KCNK2: variants seen among roughly 807,000 people sequenced by gnomAD.
KCNK2 encodes potassium two pore domain channel subfamily K member 2.
KCNK2 carries 21 observed loss-of-function variants against 40.5 expected under a neutral mutation model. That is an observed-to-expected ratio of 0.52 (90% CI 0.37 to 0.75). The LOEUF (loss-of-function observed/expected upper bound fraction) is 0.75. Ranked by LOEUF, KCNK2 falls within the 30% of genes least tolerant of loss-of-function variation. KCNK2 has a pLI of 0.00. For synonymous variants in KCNK2, 191 were observed against 202.2 expected (o/e 0.94, Z 0.47); for missense variants, 399 against 531.6 (o/e 0.75, Z 2.45).
intron 3 of KCNK2, among the ~76,000 whole-genome samples, chr1:215,168,170 C>A (rs1663534965): frequency 6.6e-6 from 1 of 152,110 alleles, no homozygotes; most frequent in African/African-American, 2.4e-5. Flanking sequence ...GAGATACCAA[C>A]TCATGCTAGT....
chr1:215,122,357 G>A (rs1416235720), intron 2 of KCNK2, among the ~76,000 whole-genome samples: 1 of 151,954 alleles, frequency 6.6e-6, no homozygotes, highest in Non-Finnish European at 1.5e-5. Flanking sequence ...GTTTATACAG[G>A]AATAAGAGAG....
intron 3 of KCNK2, among the ~76,000 whole-genome samples, chr1:215,164,833 C>A (rs1247766391): frequency 6.6e-6 from 1 of 152,082 alleles, no homozygotes; most frequent in African/African-American, 2.4e-5. Context: ...TGCAGGTGTC[C>A]TCACTGGATT....
intron 6 of KCNK2, among the ~76,000 whole-genome samples, chr1:215,227,953 A>T (rs1427317891): frequency 9.8e-5 from 1 of 10,192 alleles, no homozygotes; most frequent in East Asian, 8.1e-3. Context: ...TGTGATATTA[A>T]GTTAAAAAAA....
At chr1:215,197,881 T>A (rs574865055) in intron 6 of KCNK2, among the ~76,000 whole-genome samples, 92 of 152,210 alleles carry the variant, frequency 6.0e-4, no homozygotes, top group Non-Finnish European at 1.1e-3. Context: ...ATGCCTGTAG[T>A]CCCAGCTACA....
At chr1:215,131,139 C>T (rs1010441118) in intron 3 of KCNK2, among the ~76,000 whole-genome samples, 33 of 151,462 alleles carry the variant, frequency 2.2e-4, no homozygotes, top group African/African-American at 7.7e-4. Context: ...GGATTACAGG[C>T]GTGAGCCACC....
At chr1:215,220,760 AT>A (rs1446444613) in intron 6 of KCNK2, among the ~76,000 whole-genome samples, 1 of 152,236 alleles carries the variant, frequency 6.6e-6, no homozygotes, top group Non-Finnish European at 1.5e-5. Flanking sequence ...TTGAAACATC[AT>A]TAAATGTTTT....
intron 2 of KCNK2, among the ~76,000 whole-genome samples, chr1:215,106,153 A>C (rs1660431275): frequency 6.6e-6 from 1 of 152,110 alleles, no homozygotes; most frequent in South Asian, 2.1e-4. Context: ...AAATTCTTTG[A>C]GAAATCTTCA....
intron 1 of KCNK2, among the ~76,000 whole-genome samples, chr1:215,028,038 CT>C (rs897700102): frequency 6.6e-6 from 1 of 151,642 alleles, no homozygotes; most frequent in Non-Finnish European, 1.5e-5. Flanking sequence ...TAATTTTTTT[CT>C]TTTTTTTCCT....
intron 6 of KCNK2, among the ~76,000 whole-genome samples, chr1:215,234,002 C>T (rs752769070): frequency 6.6e-6 from 1 of 152,084 alleles, no homozygotes; most frequent in Non-Finnish European, 1.5e-5. Context: ...TGCATAACAT[C>T]TTGCAGTTTG....
chr1:215,072,322 G>A (rs1255606894), intron 1 of KCNK2, among the ~76,000 whole-genome samples: 4 of 152,218 alleles, frequency 2.6e-5, no homozygotes, highest in Non-Finnish European at 5.9e-5. Flanking sequence ...TCACAATCAT[G>A]GCTGAAGGTG....
chr1:215,152,868 A>T (rs1453192365), intron 3 of KCNK2, among the ~76,000 whole-genome samples: 2 of 152,160 alleles, frequency 1.3e-5, no homozygotes, highest in Non-Finnish European at 2.9e-5. Context: ...AAATGTGTTT[A>T]ATTCTAGAAG....
At chr1:215,096,510 C>A (rs1037885446) in intron 2 of KCNK2, among the ~76,000 whole-genome samples, 2 of 151,894 alleles carry the variant, frequency 1.3e-5, no homozygotes, top group Non-Finnish European at 2.9e-5. Context: ...TTTTCTAAGT[C>A]TTGCTTTAAA....
chr1:215,186,557 G>T (rs1664446988), intron 5 of KCNK2, among the ~76,000 whole-genome samples: 1 of 152,164 alleles, frequency 6.6e-6, no homozygotes, highest in African/African-American at 2.4e-5. Context: ...CACTGTGAGT[G>T]ATGAATCAAA....
At position 215,069,294 on chromosome 1, in the gene KCNK2, G is replaced by T. The variant is rs776431903; in HGVS notation, c.35-17074G>T. On this transcript the variant is annotated intron_variant, in intron 1 of 6. Coordinates refer to the KCNK2 transcript ENST00000391895. The stretch of plus-strand genomic sequence containing the variant: ...TCCCACATCAGGGTGTCTAGCAAAA[G>T]CTCCCTGCCCTAGGAAGGAGCTGCC... Among the ~76,000 whole-genome samples, 76 of 152,184 alleles carry T rather than the reference G, an allele frequency of 5.0e-4. 1 individual carries two copies. The highest frequency in any genetic ancestry group is 4.8e-3 in the Admixed American group (74 of 15,290).
At chr1:215,062,854 G>A (rs531755254) in intron 1 of KCNK2, among the ~76,000 whole-genome samples, 2 of 152,012 alleles carry the variant, frequency 1.3e-5, no homozygotes, top group South Asian at 2.1e-4. Flanking sequence ...GTTGGGTGCC[G>A]GTCAGAAATT....
At chr1:215,167,527 G>A (rs906260786) in intron 3 of KCNK2, among the ~76,000 whole-genome samples, 1 of 152,064 alleles carries the variant, frequency 6.6e-6, no homozygotes, top group African/African-American at 2.4e-5. Flanking sequence ...GCTATTAAAA[G>A]TAAATGAAGT....
At chr1:215,048,746 T>C (rs1657875136) in intron 1 of KCNK2, among the ~76,000 whole-genome samples, 2 of 152,204 alleles carry the variant, frequency 1.3e-5, no homozygotes, top group South Asian at 4.1e-4. Flanking sequence ...GCCCTACTAA[T>C]GCATAAAGCT....
upstream of KCNK2, among the ~76,000 whole-genome samples, chr1:215,082,695 G>C (rs1452714696): frequency 6.6e-6 from 1 of 151,966 alleles, no homozygotes; most frequent in Non-Finnish European, 1.5e-5. Flanking sequence ...CGGTGAGACA[G>C]GAGGGGGAGG....
intron 1 of KCNK2, among the ~76,000 whole-genome samples, chr1:215,071,861 G>T (rs1481148810): frequency 6.6e-6 from 1 of 152,040 alleles, no homozygotes; most frequent in East Asian, 1.9e-4. Context: ...CAGCGGGGAG[G>T]GTAAATGTCA....
Sources: gnomAD v4.1 joint callset for allele counts (sites outside exome capture counted in the v4.1 genomes callset) on GRCh38, gnomAD v4.1.1 for gene constraint, MANE v1.5 for transcripts, NCBI Gene and HGNC (gene_info 2026-07-23, HGNC 2026-07-21) for gene names.